GGA2: variants seen among roughly 807,000 people sequenced by gnomAD.
The protein encoded by GGA2 is ADP-ribosylation factor-binding protein GGA2.
In GGA2, 48 loss-of-function variants were observed where a neutral mutation model predicts 79.5. The observed-to-expected ratio is 0.60, with a 90% CI of 0.48 to 0.77. The LOEUF (loss-of-function observed/expected upper bound fraction) is 0.77. Ranked by LOEUF, GGA2 falls within the 30% of genes least tolerant of loss-of-function variation. The pLI is 0.00. For missense variants in GGA2, 770 were observed against 774.0 expected, an observed-to-expected ratio of 0.99 and a Z score of 0.06; for synonymous variants, 317 against 302.0, an observed-to-expected ratio of 1.05 and a Z score of -0.51.
chr16:23,467,498 C>T lies in GGA2; in HGVS notation c.*92G>A. ...CCTGACGTCAGGATAGGACTCTTGG[C>T]ACTCCGCACTGAAACACCGTGATTA... is the stretch of plus-strand genomic sequence containing the variant. On this transcript the variant is annotated 3_prime_UTR_variant, in exon 17 of 17. Coordinates refer to ENST00000309859, the MANE Select transcript of GGA2 (RefSeq NM_015044.4). 1 of 712,218 alleles carries T rather than the reference C, an allele frequency of 1.4e-6. No individual in the cohort carries two copies. Among genetic ancestry groups the T allele is most frequent in the Admixed American group, 2.0e-5 (1 of 48,962 alleles). The allele number at this position is 712,218 out of a possible 1,614,324, so 44.1% of individuals were successfully genotyped here.
rs1555499253 is a variant in GGA2, at chr16:23,478,236, A to AG, written c.1292+131_1292+132insC. 48 of 672,610 alleles carry AG rather than the reference A, an allele frequency of 7.1e-5. 1 individual carries two copies. Among genetic ancestry groups the AG allele is most frequent in the African/African-American group, 2.6e-4 (14 of 53,246 alleles). 41.7% of individuals were successfully genotyped at this position (672,610 alleles called of 1,614,324 possible). ...AAAAGAAAAAAAGACAAAAAAAAAA[A>AG]AAAGAAAGAAAGAAAGATGTTTCTC... On this transcript the variant is annotated intron_variant, in intron 13 of 16. Transcript: ENST00000309859.
rs1242856784 is a variant in GGA2, at chr16:23,467,277, G to A, written c.*313C>T. 3.3e-5 allele frequency: 9 copies of A among 275,114 alleles called. No individual in the cohort carries two copies. The highest frequency in any genetic ancestry group is 6.2e-5 in the Non-Finnish European group (9 of 144,096). 17.0% of individuals were successfully genotyped at this position (275,114 alleles called of 1,614,324 possible). On this transcript the variant is annotated 3_prime_UTR_variant, in exon 17 of 17. Coordinates refer to ENST00000309859, the MANE Select transcript of GGA2 (RefSeq NM_015044.4). The stretch of plus-strand genomic sequence containing the variant: ...TCCAACCTGAGGCAGGGACAGTGTC[G>A]CTCGCTGACATGCAGAAACATGACT...
In GGA2 at chr16:23,466,335, C is replaced by T. The variant is rs573459399; in HGVS notation, c.*1255G>A. ...GGCCAAGCAGGACTTGTCAAACATACACATTCAAGTTCCTAGCACACAGTA... is the reference window on the plus strand; with the variant it reads ...GGCCAAGCAGGACTTGTCAAACATATACATTCAAGTTCCTAGCACACAGTA... On this transcript the variant is annotated 3_prime_UTR_variant, in exon 17 of 17. Transcript: ENST00000309859. 1.3e-5 allele frequency: 2 copies of T among 152,322 alleles called. No homozygotes were observed. Among genetic ancestry groups the T allele is most frequent in the East Asian group, 3.9e-4 (2 of 5,176 alleles). The allele number at this position is 152,322 out of a possible 1,614,324, so 9.4% of individuals were successfully genotyped here.
chr16:23,486,291 A>G (rs1964712165), intron 7 of GGA2, 139 bp from the exon 8 acceptor site: 1 of 719,090 alleles, frequency 1.4e-6, no homozygotes, highest in Admixed American at 2.7e-5. Flanking sequence ...GAGAACTCAC[A>G]CAGTGGGTGA....
At position 23,482,936 on chromosome 16, in the gene GGA2, G is replaced by T; in HGVS notation, c.867C>A (p.Asp289Glu). Residue 289 changes from aspartate (D) to glutamate (E), a missense_variant, in exon 9 of 17, where the codon GAC (aspartate) becomes GAA (glutamate). Asp to Glu is a conservative substitution (Grantham distance 45). Coordinates refer to ENST00000309859, the MANE Select transcript of GGA2 (RefSeq NM_015044.4). ...AAGAAAACTTACCGAGTGCATCATC[G>T]TCATCAGTGGTGTCACTCGCCAACC... ...LFRLASDTTD[D>E]DDALAEILQA... The T allele has an allele frequency of 6.2e-7, 1 of 1,604,916 alleles. No homozygotes were observed. Among genetic ancestry groups the T allele is most frequent in the Non-Finnish European group, 8.5e-7 (1 of 1,171,658 alleles).
chr16:23,492,728 G>A (rs1440707052), intron 4 of GGA2, among the ~76,000 whole-genome samples: 1 of 152,174 alleles, frequency 6.6e-6, no homozygotes, highest in Non-Finnish European at 1.5e-5. Context: ...ATATGGGGCG[G>A]TGGGGGTCAT....
Position 23,510,325 on chromosome 16 carries a change from C to A in GGA2, c.87G>T (p.Trp29Cys). The stretch of plus-strand genomic sequence containing the variant: ...AAGGCCTGCCAGGCTACTCACTGAG[C>A]CACAGCTCCAGCGACGCTGCCGGGC... ...PPGPAASLEL[W>C]LNKATDPSMS... The change falls in exon 1 of 17, where the codon TGG becomes TGT. Residue 29 changes from tryptophan (W) to cysteine (C), a missense_variant. Trp to Cys is a radical substitution (Grantham distance 215). Transcript: ENST00000309859. The A allele has an allele frequency of 7.0e-7, 1 of 1,436,364 alleles. No homozygotes were observed. The allele number at this position is 1,436,364 out of a possible 1,614,324, so 89.0% of individuals were successfully genotyped here. A position where few individuals can be genotyped will look rare whatever the true frequency, so the allele number is the denominator to read the frequency against.
intron 5 of GGA2, among the ~76,000 whole-genome samples, chr16:23,491,306 CAAAAAAAAA>C (rs35347154): frequency 3.0e-5 from 2 of 66,504 alleles, no homozygotes; most frequent in African/African-American, 6.4e-5. Context: ...CACCTTGTCT[CAAAAAAAAA>C]AAAAAAAAAA....
rs375256232 is a variant in GGA2 at position 23,482,936 on chromosome 16, G to A, written c.867C>T (p.Asp289=). The stretch of plus-strand genomic sequence containing the variant: ...AAGAAAACTTACCGAGTGCATCATC[G>A]TCATCAGTGGTGTCACTCGCCAACC... ...LFRLASDTTD[D]DDALAEILQA... Residue 289 remains aspartate (D), a synonymous_variant, in exon 9 of 17, where the codon GAC becomes GAT. Coordinates refer to ENST00000309859, the MANE Select transcript of GGA2 (RefSeq NM_015044.4). The A allele has an allele frequency of 1.6e-4, 259 of 1,604,792 alleles. No homozygotes were observed. Among genetic ancestry groups the A allele is most frequent in the African/African-American group, 8.4e-4 (63 of 74,696 alleles).
intron 1 of GGA2, chr16:23,500,847 TC>T (rs1305947347): frequency 3.1e-5 from 6 of 192,524 alleles, no homozygotes; most frequent in South Asian, 9.5e-5. Context: ...CTTCTGACCA[TC>T]CAAGGGAAAG....
At chr16:23,509,542 G>A (rs943309268) in intron 1 of GGA2, among the ~76,000 whole-genome samples, 8 of 152,018 alleles carry the variant, frequency 5.3e-5, no homozygotes, top group African/African-American at 1.9e-4. Context: ...AGTGTTCCTG[G>A]CACCTAGCAG....
chr16:23,465,442 A>G lies in GGA2; in HGVS notation c.*2148T>C, dbSNP rs1158149208. The G allele has an allele frequency of 5.7e-6, 4 of 702,686 alleles. No individual in the cohort carries two copies. Among genetic ancestry groups the G allele is most frequent in the Admixed American group, 4.0e-5 (2 of 49,946 alleles). 43.5% of individuals were successfully genotyped at this position (702,686 alleles called of 1,614,324 possible). A position where few individuals can be genotyped will look rare whatever the true frequency, so the allele number is the denominator to read the frequency against. ...CCCCTATCCTGTCCAACACCTAAGC[A>G]TAGTAGTACCACTGGGAGTCTGTCT... On this transcript the variant is annotated 3_prime_UTR_variant, in exon 17 of 17. Coordinates refer to ENST00000309859, the MANE Select transcript of GGA2 (RefSeq NM_015044.4).
At chr16:23,510,198 GC>G in intron 1 of GGA2, 122 bp downstream of exon 1, 1 of 480,376 alleles carries the variant, frequency 2.1e-6, no homozygotes, top group South Asian at 4.9e-5. Flanking sequence ...CCGGGCCCAG[GC>G]CCCCTACCCG....
At position 23,495,903 on chromosome 16, in the gene GGA2, C is replaced by T. The variant is rs1596990993; in HGVS notation, c.92-125G>A. ...CAGGATCAGACCAGTGGGCAGACAG[C>T]TGGAAGGAGAGGAATTGTGCCTGCG... On this transcript the variant is annotated intron_variant, in intron 1 of 16. Coordinates refer to ENST00000309859, the MANE Select transcript of GGA2 (RefSeq NM_015044.4). 11 of 576,130 alleles carry T rather than the reference C, an allele frequency of 1.9e-5. No individual in the cohort carries two copies. In the East Asian group the frequency reaches 2.9e-4, roughly 15 times the overall value. The allele number at this position is 576,130 out of a possible 1,614,324, so 35.7% of individuals were successfully genotyped here.
upstream of GGA2, among the ~76,000 whole-genome samples, chr16:23,514,062 C>A (rs901112905): frequency 2.0e-5 from 3 of 152,084 alleles, no homozygotes; most frequent in Non-Finnish European, 4.4e-5. Context: ...GACAGCCTTC[C>A]CTCGGTCTTT....
intron 13 of GGA2, among the ~76,000 whole-genome samples, chr16:23,475,337 C>G (rs1303685787): frequency 2.0e-5 from 3 of 151,554 alleles, no homozygotes; most frequent in African/African-American, 7.3e-5. Flanking sequence ...TTACAGGCAC[C>G]TGCCACCATG....
chr16:23,510,340 C>T lies in GGA2; in HGVS notation c.72G>A (p.Ala24=). ...ACTCACTGAGCCACAGCTCCAGCGA[C>T]GCTGCCGGGCCCGGGGGACCCTGGG... ...ESAQGPPGPA[A]SLELWLNKAT... The change falls in exon 1 of 17, where the codon GCG becomes GCA. Residue 24 remains alanine (A), a synonymous_variant. Transcript: ENST00000309859. The T allele has an allele frequency of 7.0e-7, 1 of 1,436,062 alleles. No homozygotes were observed. The highest frequency in any genetic ancestry group is 9.1e-7 in the Non-Finnish European group (1 of 1,095,414). 89.0% of individuals were successfully genotyped at this position (1,436,062 alleles called of 1,614,324 possible).
At chr16:23,503,159 T>TA (rs1404041948) in intron 1 of GGA2, among the ~76,000 whole-genome samples, 1 of 152,246 alleles carries the variant, frequency 6.6e-6, no homozygotes, top group Non-Finnish European at 1.5e-5. Flanking sequence ...TTCTTGTGTT[T>TA]GCTTTCACAA....
chr16:23,486,139 G>A lies in GGA2; in HGVS notation c.674C>T (p.Ser225Leu), dbSNP rs1567363617. 11 of 1,613,748 alleles carry A rather than the reference G, an allele frequency of 6.8e-6. No individual in the cohort carries two copies. The highest frequency in any genetic ancestry group is 9.3e-6 in the Non-Finnish European group (11 of 1,179,716). ...KNLVKEEQEK[S>L]EKVSKRVSAV... The stretch of plus-strand genomic sequence containing the variant: ...ACTGACCCTCTTGGACACCTTCTCC[G>A]ATTTTTCTTGTTCCTTTTGGGAAAA... Residue 225 changes from serine to leucine, a missense_variant, in exon 8 of 17, where the codon TCG becomes TTG. Coordinates refer to ENST00000309859, the MANE Select transcript of GGA2 (RefSeq NM_015044.4).
Sources: gnomAD v4.1 joint callset for allele counts (sites outside exome capture counted in the v4.1 genomes callset) on GRCh38, gnomAD v4.1.1 for gene constraint, MANE v1.5 for transcripts, NCBI Gene and HGNC (gene_info 2026-07-23, HGNC 2026-07-21) for gene names.